The following RIMBP2 variants were observed in gnomAD, a reference collection of about 807,000 sequenced individuals.
The protein encoded by RIMBP2 is RIMS-binding protein 2.
In RIMBP2, 48 loss-of-function variants were observed where a neutral mutation model predicts 118.6. The ratio of observed to expected loss-of-function variants is 0.40; its 90% confidence interval spans 0.32 to 0.51. RIMBP2 has a LOEUF of 0.51. RIMBP2 is among the 20% of genes least tolerant of loss of function. RIMBP2 has a pLI of 0.41. For missense variants in RIMBP2, 1,551 were observed against 1,768.3 expected (o/e 0.88, Z 2.20); for synonymous variants, 762 against 742.9 (o/e 1.03, Z -0.42).
chr12:130,687,153 T>C (rs1158878637), intron 1 of RIMBP2, among the ~76,000 whole-genome samples: 1 of 152,230 alleles, frequency 6.6e-6, no homozygotes, highest in South Asian at 2.1e-4. Context: ...TTCCTGATAC[T>C]TTATGAATCA....
chr12:130,463,893 C>T (rs2080224892), intron 6 of RIMBP2, among the ~76,000 whole-genome samples: 2 of 151,948 alleles, frequency 1.3e-5, no homozygotes, highest in South Asian at 4.2e-4. Flanking sequence ...CCCACCAAAA[C>T]CAAGATGGCA....
chr12:130,430,652 AT>A (rs2077094988), intron 14 of RIMBP2: 1 of 87,790 alleles, frequency 1.1e-5, no homozygotes, highest in Non-Finnish European at 2.0e-5. Flanking sequence ...TTTTTTTGAG[AT>A]GGAGTCTCAC....
At chr12:130,485,750 C>A (rs917238877) in intron 4 of RIMBP2, among the ~76,000 whole-genome samples, 3 of 152,182 alleles carry the variant, frequency 2.0e-5, no homozygotes, top group African/African-American at 4.8e-5. Flanking sequence ...CGTGGTCCTG[C>A]GGCCTCAGAG....
intron 15 of RIMBP2, chr12:130,425,404 C>T (rs1209594003): frequency 6.5e-6 from 1 of 152,702 alleles, no homozygotes; most frequent in Non-Finnish European, 1.5e-5. Context: ...ACGTGTCACC[C>T]TTCTCCCTAA....
Position 130,407,847 on chromosome 12 carries a change from G to C in RIMBP2, c.3590-18C>G, listed in dbSNP as rs750953893. 2.9e-5 allele frequency: 47 copies of C among 1,603,172 alleles called. No homozygotes were observed. Among genetic ancestry groups the C allele is most frequent in the Non-Finnish European group, 3.8e-5 (45 of 1,170,248 alleles). On this transcript the variant is annotated intron_variant, in intron 19 of 22. Transcript: ENST00000690449. ...GCTTCTCTCTGTTCAGATCACAAGG[G>C]GGAAAGAAATCCATCATGAGGTTAT...
chr12:130,598,882 T>C (rs117520620), intron 2 of RIMBP2, among the ~76,000 whole-genome samples: 31 of 152,294 alleles, frequency 2.0e-4, no homozygotes, highest in Non-Finnish European at 4.4e-4. Flanking sequence ...CAACTGATTG[T>C]CTTTTGGAAT....
chr12:130,626,942 CCACCATTAT>C (rs1214054636), intron 2 of RIMBP2, among the ~76,000 whole-genome samples: 3 of 151,518 alleles, frequency 2.0e-5, no homozygotes, highest in Non-Finnish European at 2.9e-5. Context: ...ATCACCATTA[CCACCATTAT>C]CACCACGACT....
chr12:130,646,358 A>T (rs796269247), intron 1 of RIMBP2, among the ~76,000 whole-genome samples: 2,218 of 42,442 alleles, frequency 0.052, 684 homozygotes, highest in Middle Eastern at 0.071. Flanking sequence ...CACCTCCCTC[A>T]CCACCTCCCT....
At position 130,517,864 on chromosome 12, in the gene RIMBP2, A is replaced by G. The variant is rs1396468486; in HGVS notation, c.-163T>C. On this transcript the variant is annotated 5_prime_UTR_variant, in exon 3 of 23. It removes an upstream start codon present in the reference 5' UTR. Coordinates refer to ENST00000690449, the MANE Select transcript of RIMBP2 (RefSeq NM_001393629.1). ...GCCGGGCCCTTGTGGGAAGGCCTGC[A>G]TGATGGGATCTCAGGAGATACTCTC... 2.6e-5 allele frequency: 26 copies of G among 985,710 alleles called. No individual in the cohort carries two copies. Among genetic ancestry groups the G allele is most frequent in the Non-Finnish European group, 2.8e-5 (23 of 829,926 alleles). The allele number at this position is 985,710 out of a possible 1,614,324, so 61.1% of individuals were successfully genotyped here.
intron 2 of RIMBP2, among the ~76,000 whole-genome samples, chr12:130,527,420 C>G (rs1043806600): frequency 6.6e-6 from 1 of 152,178 alleles, no homozygotes; most frequent in Non-Finnish European, 1.5e-5. Context: ...ACATGCTATT[C>G]CTGATCTGTT....
intron 21 of RIMBP2, among the ~76,000 whole-genome samples, chr12:130,404,380 C>A (rs766750498): frequency 3.3e-5 from 5 of 152,318 alleles, no homozygotes; most frequent in Non-Finnish European, 7.4e-5. Flanking sequence ...TCACCGCAAC[C>A]TCCACCTCCT....
intron 1 of RIMBP2, among the ~76,000 whole-genome samples, chr12:130,631,371 G>A (rs1166424446): frequency 1.3e-5 from 2 of 152,122 alleles, no homozygotes; most frequent in African/African-American, 4.8e-5. Flanking sequence ...ATAGACTGGG[G>A]GAGGGAAACT....
At chr12:130,698,281 C>T (rs1593028956) in intron 1 of RIMBP2, among the ~76,000 whole-genome samples, 1 of 152,288 alleles carries the variant, frequency 6.6e-6, no homozygotes, top group Middle Eastern at 3.4e-3. Flanking sequence ...AACCCGCCTC[C>T]ATCTGACTCA....
rs1252837354 is a variant in RIMBP2, at chr12:130,703,774, A to C, written c.-352+12448T>G. Among the ~76,000 whole-genome samples, 1 of 152,104 alleles carries C rather than the reference A, an allele frequency of 6.6e-6. No homozygotes were observed. Among genetic ancestry groups the C allele is most frequent in the Non-Finnish European group, 1.5e-5 (1 of 68,018 alleles). ...TTTGAAACGGTGTTTCCTAGGGGAGAAGAAAGGAAAACAGCACCCACAATT... is the reference window on the plus strand; with the variant it reads ...TTTGAAACGGTGTTTCCTAGGGGAGCAGAAAGGAAAACAGCACCCACAATT... On this transcript the variant is annotated intron_variant, in intron 1 of 22. Coordinates refer to ENST00000690449, the MANE Select transcript of RIMBP2 (RefSeq NM_001393629.1). This position sits in a 1 kb window ranked among gnomAD's most constrained non-coding sequence, Gnocchi z 5.7.
intron 19 of RIMBP2, among the ~76,000 whole-genome samples, chr12:130,408,716 C>T (rs1045529986): frequency 3.9e-5 from 6 of 152,174 alleles, no homozygotes; most frequent in East Asian, 1.9e-4. Context: ...TTCCTCCTGG[C>T]GAAAGTTGGC....
intron 4 of RIMBP2, among the ~76,000 whole-genome samples, chr12:130,503,719 G>A (rs1474371043): frequency 1.3e-5 from 2 of 152,166 alleles, no homozygotes; most frequent in Non-Finnish European, 2.9e-5. Flanking sequence ...TCCCTTCCCC[G>A]AAGGAGTGAG....
At chr12:130,619,065 A>G (rs1295002760) in intron 2 of RIMBP2, among the ~76,000 whole-genome samples, 3 of 152,214 alleles carry the variant, frequency 2.0e-5, no homozygotes, top group Non-Finnish European at 4.4e-5. Flanking sequence ...CAACCTTCAA[A>G]TTATGGCACC....
At chr12:130,673,601 G>A (rs2064299588) in intron 1 of RIMBP2, among the ~76,000 whole-genome samples, 1 of 152,182 alleles carries the variant, frequency 6.6e-6, no homozygotes, top group Admixed American at 6.5e-5. Flanking sequence ...CCTGCTTCGA[G>A]CCTGGATGAA....
intron 11 of RIMBP2, among the ~76,000 whole-genome samples, chr12:130,441,261 C>G (rs967962078): frequency 4.0e-5 from 6 of 151,748 alleles, no homozygotes; most frequent in Non-Finnish European, 7.4e-5. Flanking sequence ...ATTAGCCGAG[C>G]GTGGCGGCAG....
Sources: gnomAD v4.1 joint callset for allele counts (sites outside exome capture counted in the v4.1 genomes callset) on GRCh38, gnomAD v4.1.1 for gene constraint, Gnocchi (gnomAD v3.1) non-coding constraint, MANE v1.5 for transcripts, NCBI Gene and HGNC (gene_info 2026-07-23, HGNC 2026-07-21) for gene names.